The following ZCCHC7 variants were observed in gnomAD, a reference collection of about 807,000 sequenced individuals.
ZCCHC7 encodes zinc finger CCHC-type containing 7.
In ZCCHC7, 35 loss-of-function variants were observed where a neutral mutation model predicts 52.0. That is an observed-to-expected ratio of 0.67 (90% CI 0.51 to 0.89). The LOEUF (loss-of-function observed/expected upper bound fraction) is 0.89, where lower values mean the gene tolerates loss of function less well. Among genes scored for constraint, ZCCHC7 ranks in the 40% least tolerant of loss-of-function variants. The probability of loss-of-function intolerance (pLI) is 0.00; values close to 1 mark genes in which losing one functional copy is unlikely to be tolerated. For synonymous variants in ZCCHC7, 217 were observed against 221.5 expected, an observed-to-expected ratio of 0.98 and a Z score of 0.18; for missense variants, 574 against 649.1, an observed-to-expected ratio of 0.88 and a Z score of 1.26.
intron 6 of ZCCHC7, among the ~76,000 whole-genome samples, chr9:37,332,593 A>T (rs1326032058): frequency 6.6e-6 from 1 of 151,402 alleles, no homozygotes; most frequent in Non-Finnish European, 1.5e-5. Context: ...AATGATAATT[A>T]CTACATTTAC....
intron 2 of ZCCHC7, among the ~76,000 whole-genome samples, chr9:37,244,543 T>C (rs1010140175): frequency 2.0e-5 from 3 of 151,944 alleles, no homozygotes; most frequent in Non-Finnish European, 4.4e-5. Context: ...ATAAACTTCC[T>C]GGAAGTGAGG....
chr9:37,291,337 T>C (rs1828527190), intron 2 of ZCCHC7, among the ~76,000 whole-genome samples: 1 of 149,600 alleles, frequency 6.7e-6, no homozygotes, highest in African/African-American at 2.6e-5. Context: ...ACTCAAGAAC[T>C]GATAAGTGAA....
chr9:37,356,952 G>A lies in ZCCHC7; in HGVS notation c.1316G>A (p.Trp439Ter). 1 of 1,613,682 alleles carries A rather than the reference G, an allele frequency of 6.2e-7. No individual in the cohort carries two copies. Among genetic ancestry groups the A allele is most frequent in the Non-Finnish European group, 8.5e-7 (1 of 1,179,928 alleles). ...CGTGCCTCATGGAAAAGCAACAGGT[G>A]GCCTCAAGAAAATAAAGAAACACAA... The part of the protein sequence containing the change: ...KGRASWKSNR[W>*]PQENKETQKE... Residue 439 changes from tryptophan to a stop codon, truncating the protein, a stop_gained, in exon 9 of 9, where the codon TGG becomes TAG. Coordinates refer to ENST00000336755, the MANE Select transcript of ZCCHC7 (RefSeq NM_032226.3). LOFTEE classifies it low-confidence loss of function (END_TRUNC).
intron 2 of ZCCHC7, among the ~76,000 whole-genome samples, chr9:37,283,125 GTTGC>G (rs1396865353): frequency 2.0e-5 from 3 of 152,014 alleles, no homozygotes; most frequent in Non-Finnish European, 4.4e-5. Context: ...AGTTGGCGTA[GTTGC>G]TTGCAGTCAG....
intron 1 of ZCCHC7, among the ~76,000 whole-genome samples, chr9:37,123,174 A>C (rs781660621): frequency 6.7e-6 from 1 of 148,246 alleles, no homozygotes; most frequent in Non-Finnish European, 1.5e-5. Flanking sequence ...AAGCTGAGAA[A>C]GCCTTCTGAG....
intron 6 of ZCCHC7, among the ~76,000 whole-genome samples, chr9:37,341,309 T>C (rs1335621496): frequency 2.0e-5 from 3 of 152,204 alleles, no homozygotes; most frequent in Admixed American, 2.0e-4. Context: ...ACATAAAAAA[T>C]TAATAGTTTC....
At chr9:37,136,271 G>A (rs1233822401) in intron 2 of ZCCHC7, among the ~76,000 whole-genome samples, 1 of 152,100 alleles carries the variant, frequency 6.6e-6, no homozygotes, top group African/African-American at 2.4e-5. Context: ...TTTTATTAAA[G>A]TCATAAAGAA....
chr9:37,349,567 TAAG>T, intron 7 of ZCCHC7, 115 bp downstream of exon 7: 1 of 985,810 alleles, frequency 1.0e-6, no homozygotes, highest in Non-Finnish European at 1.5e-6. Flanking sequence ...AACATTAAAG[TAAG>T]ACTTAATATA....
chr9:37,331,104 G>A (rs1180715829), intron 6 of ZCCHC7, among the ~76,000 whole-genome samples: 2 of 151,670 alleles, frequency 1.3e-5, no homozygotes, highest in African/African-American at 4.8e-5. Flanking sequence ...TATTTTAACT[G>A]AAGGTTTAAG....
chr9:37,344,808 C>G (rs1198434492), intron 6 of ZCCHC7, among the ~76,000 whole-genome samples: 2 of 152,196 alleles, frequency 1.3e-5, no homozygotes, highest in African/African-American at 4.8e-5. Context: ...TTCTCAGTTA[C>G]CTGATCTTAG....
intron 8 of ZCCHC7, among the ~76,000 whole-genome samples, chr9:37,355,197 C>T (rs527403833): frequency 6.6e-6 from 1 of 152,190 alleles, no homozygotes; most frequent in African/African-American, 2.4e-5. Context: ...GGCTTTCCTG[C>T]TAAGTTATTC....
At chr9:37,162,271 G>C (rs760090362) in intron 2 of ZCCHC7, among the ~76,000 whole-genome samples, 2 of 151,888 alleles carry the variant, frequency 1.3e-5, no homozygotes, top group African/African-American at 4.8e-5. Context: ...CGTTTAAAAT[G>C]TACAGTTTCA....
intron 2 of ZCCHC7, among the ~76,000 whole-genome samples, chr9:37,135,851 C>T (rs1304225127): frequency 2.0e-5 from 3 of 152,100 alleles, no homozygotes; most frequent in Admixed American, 6.5e-5. Flanking sequence ...ACTATACACA[C>T]AGAAGTTTTG....
intron 2 of ZCCHC7, among the ~76,000 whole-genome samples, chr9:37,299,856 A>G (rs1339304159): frequency 1.3e-5 from 2 of 152,254 alleles, no homozygotes; most frequent in African/African-American, 4.8e-5. Context: ...TTGTTAGTAC[A>G]GTTGACCCTT....
At chr9:37,169,410 A>G (rs1212188782) in intron 2 of ZCCHC7, among the ~76,000 whole-genome samples, 1 of 152,168 alleles carries the variant, frequency 6.6e-6, no homozygotes, top group African/African-American at 2.4e-5. Context: ...TAGAGGTGAG[A>G]TGTCATCCTT....
intron 2 of ZCCHC7, among the ~76,000 whole-genome samples, chr9:37,280,987 C>G (rs1277925962): frequency 6.6e-6 from 1 of 152,046 alleles, no homozygotes; most frequent in South Asian, 2.1e-4. Context: ...TCAGAAAGGA[C>G]TGGGATAGGC....
chr9:37,308,207 A>G (rs1829421636), intron 5 of ZCCHC7, among the ~76,000 whole-genome samples: 1 of 152,152 alleles, frequency 6.6e-6, no homozygotes, highest in East Asian at 1.9e-4. Flanking sequence ...CTTTAGTCTT[A>G]TTTTTTAGTG....
chr9:37,331,580 C>G (rs1179230373), intron 6 of ZCCHC7, among the ~76,000 whole-genome samples: 1 of 151,556 alleles, frequency 6.6e-6, no homozygotes, highest in African/African-American at 2.4e-5. Flanking sequence ...GAGACTATAG[C>G]TATGCAAAAG....
At chr9:37,167,181 T>C (rs1382142438) in intron 2 of ZCCHC7, among the ~76,000 whole-genome samples, 2 of 152,150 alleles carry the variant, frequency 1.3e-5, no homozygotes, top group Non-Finnish European at 2.9e-5. Flanking sequence ...GTTCCTTGTT[T>C]TGTCTTCAAG....
Sources: gnomAD v4.1 joint callset for allele counts (sites outside exome capture counted in the v4.1 genomes callset) on GRCh38, gnomAD v4.1.1 for gene constraint, MANE v1.5 for transcripts, NCBI Gene and HGNC (gene_info 2026-07-23, HGNC 2026-07-21) for gene names.